PLEK2: variants seen among roughly 807,000 people sequenced by gnomAD.
PLEK2 encodes pleckstrin-2.
PLEK2 carries 29 observed loss-of-function variants against 43.8 expected under a neutral mutation model. The observed-to-expected ratio is 0.66, with a 90% CI of 0.49 to 0.90. The LOEUF (loss-of-function observed/expected upper bound fraction) is 0.90, where lower values mean the gene tolerates loss of function less well. PLEK2 is among the 40% of genes least tolerant of loss of function. PLEK2 has a pLI of 0.00. For synonymous variants in PLEK2, 162 were observed against 173.2 expected, an observed-to-expected ratio of 0.94 and a Z score of 0.51; for missense variants, 398 against 448.1, an observed-to-expected ratio of 0.89 and a Z score of 1.01.
At chr14:67,406,851 C>T (rs1266423592) in intron 1 of PLEK2, among the ~76,000 whole-genome samples, 1 of 152,172 alleles carries the variant, frequency 6.6e-6, no homozygotes, top group African/African-American at 2.4e-5. Context: ...GCCGATAACA[C>T]AATGGTATGC....
intron 7 of PLEK2, among the ~76,000 whole-genome samples, 155 bp from the exon 8 acceptor site, chr14:67,388,457 T>C (rs181955858): frequency 2.2e-4 from 34 of 152,328 alleles, no homozygotes; most frequent in Admixed American, 7.2e-4. Context: ...CAAAGCTGCA[T>C]GCATCAGTAA....
intron 2 of PLEK2, 86 bp from the exon 3 acceptor site, chr14:67,395,669 T>G: frequency 9.1e-7 from 1 of 1,097,544 alleles, no homozygotes; most frequent in East Asian, 2.4e-5. Context: ...CCCGGGAGAA[T>G]CTAGGTGACA....
rs61156733 is a variant in PLEK2 at position 67,391,271 on chromosome 14, ATGTG to A, written c.772-529_772-526del. Among the ~76,000 whole-genome samples the A allele has an allele frequency of 5.3e-3, 763 of 143,858 alleles. 4 individuals are homozygous for A. The highest frequency in any genetic ancestry group is 0.013 in the South Asian group (55 of 4,350). The allele number at this position is 143,858 out of a possible 152,430, so 94.4% of individuals were successfully genotyped here. On this transcript the variant is annotated intron_variant, in intron 6 of 8. Coordinates refer to ENST00000216446, the MANE Select transcript of PLEK2 (RefSeq NM_016445.3). ...AAATCTAAATGTGTAAGCAGCTGATATGTGTGTGTGTGTGTGTGTGTGTGTGTGT... is the reference window on the plus strand; with the variant it reads ...AAATCTAAATGTGTAAGCAGCTGATATGTGTGTGTGTGTGTGTGTGTGTGT...
rs781023926 is a variant in PLEK2 at position 67,390,757 on chromosome 14, G to A, written c.772-11C>T. On this transcript the variant is annotated splice_polypyrimidine_tract_variant and intron_variant, in intron 6 of 8. Transcript: ENST00000216446. ...TTTCCTCTTGTGTCCCTGAGGCAAA[G>A]AAATGGTTCAAAGCTCATTGGTGAC... The A allele has an allele frequency of 1.3e-6, 2 of 1,589,644 alleles. No homozygotes were observed. The highest frequency in any genetic ancestry group is 1.7e-6 in the Non-Finnish European group (2 of 1,157,648).
At chr14:67,395,363 G>A (rs2085999508) in intron 3 of PLEK2, 39 bp downstream of exon 3, 3 of 1,593,234 alleles carry the variant, frequency 1.9e-6, no homozygotes, top group African/African-American at 1.3e-5. Context: ...AACACAGGCA[G>A]GAGAGGCTGC....
intron 1 of PLEK2, among the ~76,000 whole-genome samples, chr14:67,401,779 G>A (rs921001766): frequency 5.3e-5 from 8 of 152,122 alleles, no homozygotes; most frequent in Admixed American, 5.2e-4. Context: ...GGAAAGGAAG[G>A]AGACTAGTGA....
intron 1 of PLEK2, among the ~76,000 whole-genome samples, chr14:67,402,330 T>C (rs996779994): frequency 5.3e-5 from 8 of 152,198 alleles, no homozygotes; most frequent in Non-Finnish European, 4.4e-5. Flanking sequence ...ATGGGGTACA[T>C]GAGCTATTTT....
intron 1 of PLEK2, among the ~76,000 whole-genome samples, chr14:67,399,712 AGGGTGGTTTAGGT>A (rs1427233971): frequency 5.3e-5 from 7 of 130,844 alleles, no homozygotes; most frequent in African/African-American, 1.7e-4. Context: ...AATAAAGAGA[AGGGTGGTTTAGGT>A]GGGTCTCAGG....
In PLEK2 at chr14:67,393,373, G is replaced by A. The variant is rs149083008; in HGVS notation, c.390-132C>T. 3.5e-3 allele frequency: 2,511 copies of A among 716,756 alleles called. 40 individuals carry two copies. The African/African-American group carries it at 0.035, about 10-fold the overall frequency. The allele number at this position is 716,756 out of a possible 1,614,324, so 44.4% of individuals were successfully genotyped here. A position where few individuals can be genotyped will look rare whatever the true frequency, so the allele number is the denominator to read the frequency against. On this transcript the variant is annotated intron_variant, in intron 3 of 8. Coordinates refer to ENST00000216446, the MANE Select transcript of PLEK2 (RefSeq NM_016445.3). ...GACACACATCACAAAGAAAAGGGGT[G>A]TAGGAAAGCAGCCTTTTGAATGGCA...
At chr14:67,402,587 C>T (rs1233973225) in intron 1 of PLEK2, among the ~76,000 whole-genome samples, 4 of 152,188 alleles carry the variant, frequency 2.6e-5, no homozygotes, top group Non-Finnish European at 4.4e-5. Context: ...CCTCACCCAC[C>T]CTTCCCAGCC....
chr14:67,390,034 A>T lies in PLEK2; in HGVS notation c.855+629T>A, dbSNP rs371399389. ...GCCCACTCTTCACTGTTTCAACAAA[A>T]ACTAATGAAAGTCATACATTGCCCA... On this transcript the variant is annotated intron_variant, in intron 7 of 8. Transcript: ENST00000216446. Among the ~76,000 whole-genome samples the T allele has an allele frequency of 7.0e-4, 106 of 152,340 alleles. 1 individual carries two copies. In the South Asian group the frequency reaches 0.022, roughly 32 times the overall value.
In PLEK2 at chr14:67,397,623, G is replaced by A. The variant is rs568688505; in HGVS notation, c.207+39C>T. The A allele has an allele frequency of 4.5e-6, 7 of 1,557,326 alleles. No homozygotes were observed. In the Admixed American group the frequency reaches 1.1e-4, roughly 24 times the overall value. On this transcript the variant is annotated intron_variant, in intron 2 of 8. Coordinates refer to ENST00000216446, the MANE Select transcript of PLEK2 (RefSeq NM_016445.3). ...AAGAGGCCAGAGGTGGGAAGGCTGT[G>A]GAACAGAGAGGAGCTGGACAGCAGG...
intron 1 of PLEK2, among the ~76,000 whole-genome samples, chr14:67,410,517 C>T (rs538747903): frequency 1.3e-5 from 2 of 152,300 alleles, no homozygotes; most frequent in African/African-American, 2.4e-5. Context: ...GGCAAGTGGG[C>T]GTGGCGCTTT....
At chr14:67,406,673 T>G (rs1202265660) in intron 1 of PLEK2, among the ~76,000 whole-genome samples, 1 of 152,118 alleles carries the variant, frequency 6.6e-6, no homozygotes, top group Non-Finnish European at 1.5e-5. Flanking sequence ...CAGAACAGAA[T>G]AGCCAAAGGA....
Position 67,386,992 on chromosome 14 carries a change from A to G in PLEK2, c.*337T>C, listed in dbSNP as rs1264914918. 5.7e-6 allele frequency: 1 copy of G among 176,086 alleles called. No individual in the cohort carries two copies. The highest frequency in any genetic ancestry group is 1.2e-5 in the Non-Finnish European group (1 of 84,590). 10.9% of individuals were successfully genotyped at this position (176,086 alleles called of 1,614,324 possible). A position where few individuals can be genotyped will look rare whatever the true frequency, so the allele number is the denominator to read the frequency against. On this transcript the variant is annotated 3_prime_UTR_variant, in exon 9 of 9. Transcript: ENST00000216446. ...GAAGTTAAGAGAGAACCTCATAAGA[A>G]GAGAGTTTTATTCAACATTATGGCA... is the stretch of plus-strand genomic sequence containing the variant.
intron 8 of PLEK2, 131 bp from the exon 9 acceptor site, chr14:67,387,587 C>T: frequency 1.0e-6 from 1 of 958,262 alleles, no homozygotes; most frequent in South Asian, 1.6e-5. Flanking sequence ...AAAAGGTTTA[C>T]AGTTAGAGAA....
intron 4 of PLEK2, 109 bp downstream of exon 4, chr14:67,393,040 GC>G (rs1372293555): frequency 2.9e-5 from 28 of 950,208 alleles, no homozygotes; most frequent in African/African-American, 1.3e-4. Flanking sequence ...CTAGCCTGTT[GC>G]CCAGCAGGCA....
At chr14:67,389,357 G>A (rs2085950989) in intron 7 of PLEK2, among the ~76,000 whole-genome samples, 3 of 152,154 alleles carry the variant, frequency 2.0e-5, no homozygotes, top group African/African-American at 7.2e-5. Flanking sequence ...GGATAGGAGA[G>A]TAGGTCCCCA....
At chr14:67,389,688 G>A (rs542497877) in intron 7 of PLEK2, among the ~76,000 whole-genome samples, 1 of 151,928 alleles carries the variant, frequency 6.6e-6, no homozygotes, top group Non-Finnish European at 1.5e-5. Flanking sequence ...TTTAAAAGCT[G>A]AGACAGCAGA....
Sources: allele counts gnomAD v4.1 joint callset (sites outside exome capture counted in the v4.1 genomes callset), GRCh38; gene constraint gnomAD v4.1.1; transcripts MANE v1.5; gene names NCBI Gene and HGNC (gene_info 2026-07-23, HGNC 2026-07-21).